OR51B5: variants seen among roughly 807,000 people sequenced by gnomAD.
OR51B5 encodes olfactory receptor 51B5.
For missense variants in OR51B5, 456 were observed against 374.6 expected (o/e 1.22, Z -1.79); for synonymous variants, 186 against 144.8 (o/e 1.28, Z -2.04).
At chr11:5,466,245 A>C (rs551930963) in intron 1 of OR51B5, among the ~76,000 whole-genome samples, 1 of 152,178 alleles carries the variant, frequency 6.6e-6, no homozygotes, top group African/African-American at 2.4e-5. Flanking sequence ...GGCTTTTTTC[A>C]TAAGTCTGTT....
At chr11:5,402,761 T>C (rs1245284022) in intron 1 of OR51B5, 1 of 471,370 alleles carries the variant, frequency 2.1e-6, no homozygotes, top group Non-Finnish European at 4.4e-6. Flanking sequence ...TCAGAACAGA[T>C]ATTGCCCTAC....
intron 1 of OR51B5, among the ~76,000 whole-genome samples, chr11:5,413,293 C>T (rs1850180580): frequency 6.6e-6 from 1 of 151,972 alleles, no homozygotes; most frequent in Non-Finnish European, 1.5e-5. Context: ...TGTACATCAC[C>T]ATCATCAAAG....
chr11:5,493,718 A>T (rs1043557125), intron 1 of OR51B5, among the ~76,000 whole-genome samples: 1 of 152,152 alleles, frequency 6.6e-6, no homozygotes, highest in Non-Finnish European at 1.5e-5. Context: ...AATTATTTTT[A>T]TGGTGGTGGA....
Position 5,376,561 on chromosome 11 carries a change from G to A in OR51B5, n.85-29651C>T, listed in dbSNP as rs148523788. Among the ~76,000 whole-genome samples, 1,263 of 152,130 alleles carry A rather than the reference G, an allele frequency of 8.3e-3. 18 individuals carry two copies. The highest frequency in any genetic ancestry group is 0.029 in the African/African-American group (1,192 of 41,506). The stretch of plus-strand genomic sequence containing the variant: ...AAAGGATCAACAAAACTGATAGACC[G>A]CTAGCAAGACTAATAAGAAAAGAGA... On this transcript the variant is annotated intron_variant and non_coding_transcript_variant, in intron 1 of 4. Coordinates refer to the OR51B5 transcript ENST00000415970.
intron 1 of OR51B5, among the ~76,000 whole-genome samples, chr11:5,378,744 A>C (rs1409816227): frequency 2.0e-5 from 3 of 152,168 alleles, no homozygotes; most frequent in Admixed American, 1.3e-4. Context: ...GAGAAATGCA[A>C]ATCAAAACCA....
intron 1 of OR51B5, among the ~76,000 whole-genome samples, chr11:5,380,623 A>G (rs182548539): frequency 1.6e-4 from 24 of 152,326 alleles, no homozygotes; most frequent in Admixed American, 1.2e-3. Flanking sequence ...GATTAAGACT[A>G]AAGGCCACAC....
At chr11:5,345,813 G>GTGAAGAGA (rs1340219876), upstream of OR51B5, 1 of 152,176 alleles carries the variant, frequency 6.6e-6, no homozygotes, top group Non-Finnish European at 1.5e-5. Flanking sequence ...AATAGTTTCA[G>GTGAAGAGA]TGAAGAGATG....
intron 1 of OR51B5, among the ~76,000 whole-genome samples, chr11:5,497,423 A>G (rs1036904490): frequency 1.3e-5 from 2 of 152,136 alleles, no homozygotes; most frequent in African/African-American, 4.8e-5. Flanking sequence ...AAATAAATAA[A>G]TTGTCAAACA....
chr11:5,410,347 CT>C (rs1199039589), intron 1 of OR51B5, among the ~76,000 whole-genome samples: 1 of 152,056 alleles, frequency 6.6e-6, no homozygotes, highest in African/African-American at 2.4e-5. Flanking sequence ...AAGTTCTGAG[CT>C]TCTATCTAGC....
intron 1 of OR51B5, among the ~76,000 whole-genome samples, chr11:5,474,341 A>T (rs896004989): frequency 6.6e-6 from 1 of 152,150 alleles, no homozygotes; most frequent in African/African-American, 2.4e-5. Flanking sequence ...ACACACACAC[A>T]TAAAATCACC....
At chr11:5,487,135 C>G (rs1223852987) in intron 1 of OR51B5, among the ~76,000 whole-genome samples, 1 of 152,162 alleles carries the variant, frequency 6.6e-6, no homozygotes, top group East Asian at 1.9e-4. Context: ...AATCATAGTT[C>G]TGCAAATAAA....
chr11:5,488,253 G>T (rs920067714), intron 1 of OR51B5, among the ~76,000 whole-genome samples: 1 of 152,162 alleles, frequency 6.6e-6, no homozygotes, highest in East Asian at 1.9e-4. Context: ...AGAAAGGGAA[G>T]GCCTCTGGGA....
chr11:5,362,977 A>AAAG (rs1554934773), intron 1 of OR51B5: 2 of 154,772 alleles, frequency 1.3e-5, no homozygotes, highest in Non-Finnish European at 2.8e-5. Context: ...TTAAAAAAAA[A>AAAG]AAAGAAATAA....
At chr11:5,442,177 A>T (rs868113791) in intron 1 of OR51B5, among the ~76,000 whole-genome samples, 5 of 152,102 alleles carry the variant, frequency 3.3e-5, no homozygotes, top group East Asian at 1.9e-4. Context: ...TCTCCTCTTT[A>T]TCTCTCTTTC....
At chr11:5,447,009 G>T (rs919590332) in intron 1 of OR51B5, among the ~76,000 whole-genome samples, 1 of 150,324 alleles carries the variant, frequency 6.7e-6, no homozygotes, top group African/African-American at 2.4e-5. Flanking sequence ...CTACTCCCTA[G>T]AACTCTAAAA....
intron 1 of OR51B5, among the ~76,000 whole-genome samples, chr11:5,490,754 G>T (rs952597523): frequency 6.6e-6 from 1 of 152,138 alleles, no homozygotes; most frequent in Admixed American, 6.5e-5. Context: ...TGAGATCTGT[G>T]TGCAGATGAC....
At chr11:5,374,307 A>AC (rs1221219497) in intron 1 of OR51B5, among the ~76,000 whole-genome samples, 2 of 152,166 alleles carry the variant, frequency 1.3e-5, no homozygotes, top group Non-Finnish European at 1.5e-5. Flanking sequence ...AACAGAAAGG[A>AC]CATCCACACC....
At chr11:5,401,182 T>G (rs1334107492) in intron 1 of OR51B5, among the ~76,000 whole-genome samples, 1 of 152,230 alleles carries the variant, frequency 6.6e-6, no homozygotes, top group Non-Finnish European at 1.5e-5. Context: ...AGAACATCCT[T>G]GAAAATCTGT....
In OR51B5 at chr11:5,380,672, A is replaced by AAAAAGCTAAG. The variant is rs570826899; in HGVS notation, n.85-33772_85-33763dup. 6.6e-5 allele frequency among the ~76,000 whole-genome samples: 10 copies of AAAAAGCTAAG among 152,326 alleles called. No homozygotes were observed. The South Asian group carries it at 2.1e-3, about 32-fold the overall frequency. ...TGAGATTACCATCTGTAAAAATCTG[A>AAAAAGCTAAG]AAAAGCTAAGAAAACCTATCTCTCT... On this transcript the variant is annotated intron_variant and non_coding_transcript_variant, in intron 1 of 4. Coordinates refer to the OR51B5 transcript ENST00000415970.
Sources: gnomAD v4.1 joint callset for allele counts (sites outside exome capture counted in the v4.1 genomes callset) on GRCh38, gnomAD v4.1.1 for gene constraint, MANE v1.5 for transcripts, NCBI Gene and HGNC (gene_info 2026-07-23, HGNC 2026-07-21) for gene names.